Variants in UGGT2 observed in about 807,000 individuals in gnomAD.
UGGT2 encodes the protein UDP-glucose:glycoprotein glucosyltransferase 2.
In UGGT2, 180 loss-of-function variants were observed where a neutral mutation model predicts 192.1. The ratio of observed to expected loss-of-function variants is 0.94; its 90% CI spans 0.83 to 1.06. The LOEUF (loss-of-function observed/expected upper bound fraction) is 1.06. Among genes scored for constraint, UGGT2 ranks in the 50% least tolerant of loss-of-function variants. The pLI is 0.00. For synonymous variants in UGGT2, 580 were observed against 591.0 expected, an observed-to-expected ratio of 0.98 and a Z score of 0.27; for missense variants, 1,849 against 1,795.7, an observed-to-expected ratio of 1.03 and a Z score of -0.54.
At chr13:96,018,004 C>T (rs959500835) in intron 4 of UGGT2, among the ~76,000 whole-genome samples, 16 of 152,252 alleles carry the variant, frequency 1.1e-4, no homozygotes, top group Admixed American at 1.0e-3. Context: ...CTAAAAATAA[C>T]TTTGTATCAT....
intron 38 of UGGT2, among the ~76,000 whole-genome samples, chr13:95,829,806 C>T (rs1167486071): frequency 6.6e-6 from 1 of 152,048 alleles, no homozygotes; most frequent in African/African-American, 2.4e-5. Flanking sequence ...AACCAAAAAA[C>T]AGCCTGCATT....
intron 1 of UGGT2, among the ~76,000 whole-genome samples, chr13:96,032,570 A>T (rs1301322680): frequency 1.3e-5 from 2 of 152,242 alleles, no homozygotes; most frequent in Non-Finnish European, 2.9e-5. Flanking sequence ...AGCCATTTAA[A>T]GCCTTTCAGA....
At chr13:95,944,668 A>G (rs2049804450) in intron 15 of UGGT2, among the ~76,000 whole-genome samples, 1 of 151,944 alleles carries the variant, frequency 6.6e-6, no homozygotes, top group South Asian at 2.1e-4. Context: ...ATTACTTTCC[A>G]TCTACTTTTT....
chr13:95,863,672 C>A lies in UGGT2; in HGVS notation c.3601G>T (p.Asp1201Tyr). Residue 1201 changes from aspartate to tyrosine, a missense_variant, in exon 31 of 39, where the codon GAT (aspartate) becomes TAT (tyrosine). Asp to Tyr is a radical substitution (Grantham distance 160). Coordinates refer to ENST00000376747, the MANE Select transcript of UGGT2 (RefSeq NM_020121.4). ...AGTCCTTTTGTTTTTTCATCTTCAT[C>A]GGTAAGGATATCTTCCTTAATTTTG... is the stretch of plus-strand genomic sequence containing the variant. The part of the protein sequence containing the change: ...TDKIKEDILT[D>Y]EDEKTKGLWD... 1.2e-6 allele frequency: 2 copies of A among 1,612,608 alleles called. No homozygotes were observed. The highest frequency in any genetic ancestry group is 1.7e-6 in the Non-Finnish European group (2 of 1,179,080).
At chr13:96,031,754 T>A in intron 2 of UGGT2, 135 bp downstream of exon 2, 1 of 603,402 alleles carries the variant, frequency 1.7e-6, no homozygotes, top group South Asian at 3.4e-5. Flanking sequence ...TTAAAACATA[T>A]TTTCAAATTT....
At chr13:95,982,789 C>T (rs2051168951) in intron 10 of UGGT2, among the ~76,000 whole-genome samples, 1 of 152,108 alleles carries the variant, frequency 6.6e-6, no homozygotes, top group Non-Finnish European at 1.5e-5. Flanking sequence ...TAGAATGGAC[C>T]AATACCACAA....
At chr13:95,863,754 TA>T (rs773141041) in intron 30 of UGGT2, 40 bp from the exon 31 acceptor site, 12 of 1,492,756 alleles carry the variant, frequency 8.0e-6, no homozygotes, top group African/African-American at 2.8e-5. Flanking sequence ...TTGGCTGCTT[TA>T]AATATTGTGC....
chr13:95,840,772 T>C (rs551416964), intron 36 of UGGT2, among the ~76,000 whole-genome samples: 3 of 152,266 alleles, frequency 2.0e-5, no homozygotes, highest in Admixed American at 2.0e-4. Context: ...CGCAGCACTA[T>C]TTACAATAGC....
At chr13:95,927,936 A>G (rs1038887568) in intron 17 of UGGT2, among the ~76,000 whole-genome samples, 5 of 151,964 alleles carry the variant, frequency 3.3e-5, no homozygotes, top group Non-Finnish European at 7.4e-5. Context: ...AATCCATTTA[A>G]CCCTTAGTGG....
intron 1 of UGGT2, among the ~76,000 whole-genome samples, chr13:96,040,432 G>A (rs772659477): frequency 6.6e-6 from 1 of 152,008 alleles, no homozygotes; most frequent in African/African-American, 2.4e-5. Flanking sequence ...CATTGGATTT[G>A]GGGCCCATCT....
chr13:95,872,176 T>C (rs959351876), intron 29 of UGGT2, among the ~76,000 whole-genome samples: 2 of 152,222 alleles, frequency 1.3e-5, no homozygotes, highest in Admixed American at 6.5e-5. Context: ...CTAATTTTGG[T>C]AGAACTACAA....
At chr13:95,861,930 T>C (rs547891058) in intron 31 of UGGT2, among the ~76,000 whole-genome samples, 31 of 152,318 alleles carry the variant, frequency 2.0e-4, no homozygotes, top group African/African-American at 6.7e-4. Context: ...TCTCCGTTTC[T>C]AACAAAGCAT....
intron 12 of UGGT2, among the ~76,000 whole-genome samples, chr13:95,950,539 C>T (rs79673981): frequency 1.2e-5 from 1 of 83,904 alleles, no homozygotes; most frequent in Non-Finnish European, 2.2e-5. Context: ...CTGGCTCTCA[C>T]AAAAAAAAAA....
intron 2 of UGGT2, among the ~76,000 whole-genome samples, chr13:96,028,608 A>G (rs911325419): frequency 3.3e-5 from 5 of 152,236 alleles, no homozygotes; most frequent in Non-Finnish European, 7.3e-5. Flanking sequence ...CATTGCTTAA[A>G]AAGTCTTAAT....
At chr13:95,930,805 A>C (rs1256187238) in intron 17 of UGGT2, among the ~76,000 whole-genome samples, 1 of 152,108 alleles carries the variant, frequency 6.6e-6, no homozygotes, top group Non-Finnish European at 1.5e-5. Flanking sequence ...GTTCCTTCTG[A>C]TGTTCAGATG....
chr13:96,031,565 C>A (rs1479881699), intron 2 of UGGT2, among the ~76,000 whole-genome samples: 1 of 152,232 alleles, frequency 6.6e-6, no homozygotes, highest in Non-Finnish European at 1.5e-5. Context: ...AGTCAATCCT[C>A]TGGCCTTGGG....
chr13:95,985,646 C>A (rs2051267775), intron 9 of UGGT2, among the ~76,000 whole-genome samples: 1 of 152,094 alleles, frequency 6.6e-6, no homozygotes, highest in Non-Finnish European at 1.5e-5. Context: ...TAAGCTAACT[C>A]ATATTTTACT....
At chr13:95,947,501 G>C (rs1187362805) in intron 14 of UGGT2, among the ~76,000 whole-genome samples, 1 of 150,622 alleles carries the variant, frequency 6.6e-6, no homozygotes, top group African/African-American at 2.4e-5. Flanking sequence ...ACCCAGGCTG[G>C]AGTGCAGTGG....
Position 95,859,577 on chromosome 13 carries a change from A to G in UGGT2, c.3825+14T>C, listed in dbSNP as rs1889957359. The G allele has an allele frequency of 6.3e-7, 1 of 1,586,918 alleles. No individual in the cohort carries two copies. Among genetic ancestry groups the G allele is most frequent in the Non-Finnish European group, 8.6e-7 (1 of 1,160,676 alleles). On this transcript the variant is annotated intron_variant, in intron 33 of 38. Transcript: ENST00000376747. ...CAAACATTAACCATTCTACAAAAAA[A>G]GCTATGTACTTACTTTAAATGTCGG...
Sources: allele counts gnomAD v4.1 joint callset (sites outside exome capture counted in the v4.1 genomes callset), GRCh38; gene constraint gnomAD v4.1.1; transcripts MANE v1.5; gene names NCBI Gene and HGNC (gene_info 2026-07-23, HGNC 2026-07-21).